ABCA13: variants seen among roughly 807,000 people sequenced by gnomAD.
ABCA13 encodes ATP-binding cassette sub-family A member 13.
In ABCA13, 476 loss-of-function variants were observed where a neutral mutation model predicts 478.7. That is an observed-to-expected ratio of 0.99 (90% CI 0.92 to 1.07). The LOEUF (loss-of-function observed/expected upper bound fraction) is 1.07, where lower values mean the gene tolerates loss of function less well. Among genes scored for constraint, ABCA13 ranks in the 50% least tolerant of loss-of-function variants. The pLI is 0.00. For missense variants in ABCA13, 6,060 were observed against 5,910.6 expected, an observed-to-expected ratio of 1.03 and a Z score of -0.83; for synonymous variants, 2,252 against 2,158.9, an observed-to-expected ratio of 1.04 and a Z score of -1.20.
At chr7:48,289,765 T>G in intron 20 of ABCA13, among the ~76,000 whole-genome samples, 1 of 152,232 alleles carries the variant, frequency 6.6e-6, no homozygotes, top group Non-Finnish European at 1.5e-5. Flanking sequence ...ATAGTTCAAA[T>G]TGTTATATGA....
intron 59 of ABCA13, among the ~76,000 whole-genome samples, chr7:48,630,750 G>A (rs926085993): frequency 3.3e-5 from 5 of 151,618 alleles, no homozygotes; most frequent in African/African-American, 1.2e-4. Flanking sequence ...CACAGTGGCT[G>A]AACTAATTTA....
In ABCA13 at chr7:48,272,294, G is replaced by A. The variant is rs959697141; in HGVS notation, c.2628G>A (p.Leu876=). ...GTACAAGTTTTAACTTTTCCCAGTTGTTCCATTCAGATTGGCCTAAATCAC... is the reference window on the plus strand; with the variant it reads ...GTACAAGTTTTAACTTTTCCCAGTTATTCCATTCAGATTGGCCTAAATCAC... The part of the protein sequence containing the change: ...ILSTSFNFSQ[L]FHSDWPKSPA... Residue 876 remains leucine, a synonymous_variant, in exon 17 of 62, where the codon TTG becomes TTA. Coordinates refer to ENST00000435803, the MANE Select transcript of ABCA13 (RefSeq NM_152701.5). 4 of 1,613,574 alleles carry A rather than the reference G, an allele frequency of 2.5e-6. No homozygotes were observed. The African/African-American group carries it at 5.3e-5, about 22-fold the overall frequency.
chr7:48,438,685 T>A (rs184335782), intron 42 of ABCA13, among the ~76,000 whole-genome samples: 79 of 152,114 alleles, frequency 5.2e-4, no homozygotes, highest in Middle Eastern at 3.4e-3. Context: ...TCTTTACTGA[T>A]TTTTTGTTTA....
chr7:48,363,502 CTT>C (rs1361398016), intron 31 of ABCA13, among the ~76,000 whole-genome samples: 5 of 151,280 alleles, frequency 3.3e-5, no homozygotes, highest in East Asian at 1.9e-4. Context: ...AATGGAGACT[CTT>C]GATGTATTCT....
chr7:48,309,555 G>A (rs1801442317), intron 23 of ABCA13, among the ~76,000 whole-genome samples: 1 of 152,122 alleles, frequency 6.6e-6, no homozygotes, highest in Non-Finnish European at 1.5e-5. Flanking sequence ...AGTGGAAGCT[G>A]ATAAACTGAA....
chr7:48,555,875 C>T (rs962450798), intron 55 of ABCA13, among the ~76,000 whole-genome samples: 2 of 150,178 alleles, frequency 1.3e-5, no homozygotes, highest in African/African-American at 4.9e-5. Context: ...TCTTGCTTTT[C>T]TAGTTCTTTA....
intron 48 of ABCA13, among the ~76,000 whole-genome samples, chr7:48,502,620 A>T (rs989937111): frequency 6.6e-6 from 1 of 152,174 alleles, no homozygotes; most frequent in African/African-American, 2.4e-5. Context: ...AGGGTGTATG[A>T]TATGCTGGCA....
intron 9 of ABCA13, among the ~76,000 whole-genome samples, chr7:48,239,739 T>C (rs1790529166): frequency 6.6e-6 from 1 of 152,256 alleles, no homozygotes; most frequent in African/African-American, 2.4e-5. Context: ...TTTGGACATT[T>C]GCATGCTAGC....
At chr7:48,565,100 C>T (rs576719487) in intron 55 of ABCA13, among the ~76,000 whole-genome samples, 60 of 152,064 alleles carry the variant, frequency 3.9e-4, no homozygotes, top group African/African-American at 1.4e-3. Flanking sequence ...AAACATAAGC[C>T]ACCATTTGTT....
chr7:48,204,312 C>T (rs912821192), intron 3 of ABCA13, among the ~76,000 whole-genome samples: 1 of 151,758 alleles, frequency 6.6e-6, no homozygotes, highest in Non-Finnish European at 1.5e-5. Context: ...CGGGTTCAAG[C>T]GATTCTCCTG....
intron 37 of ABCA13, among the ~76,000 whole-genome samples, chr7:48,390,145 C>T (rs542364575): frequency 6.6e-6 from 1 of 152,206 alleles, no homozygotes; most frequent in South Asian, 2.1e-4. Context: ...TTCCTCTCAC[C>T]CTGCTTTTAC....
chr7:48,408,453 C>T (rs368620325), intron 39 of ABCA13, among the ~76,000 whole-genome samples: 136 of 152,310 alleles, frequency 8.9e-4, no homozygotes, highest in African/African-American at 3.1e-3. Flanking sequence ...GTCTAACATG[C>T]AAGGAGCTTG....
At position 48,256,832 on chromosome 7, in the gene ABCA13, G is replaced by T. The variant is rs1433512354; in HGVS notation, c.2005+7481G>T. ...TTGATTCCATATGAATTTTAAAATA[G>T]TTTTTTCAAATTCTGTAAAGAATGT... On this transcript the variant is annotated intron_variant, in intron 15 of 61. Coordinates refer to ENST00000435803, the MANE Select transcript of ABCA13 (RefSeq NM_152701.5). Among the ~76,000 whole-genome samples the T allele has an allele frequency of 3.9e-5, 6 of 152,096 alleles. No individual in the cohort carries two copies. The South Asian group carries it at 1.2e-3, about 32-fold the overall frequency.
intron 29 of ABCA13, among the ~76,000 whole-genome samples, chr7:48,349,565 T>A (rs538788204): frequency 2.7e-4 from 41 of 152,276 alleles, no homozygotes; most frequent in Non-Finnish European, 4.7e-4. Context: ...CCAACACCCC[T>A]TTCAAACATG....
chr7:48,211,722 A>G (rs1785680912), intron 3 of ABCA13, among the ~76,000 whole-genome samples: 1 of 152,042 alleles, frequency 6.6e-6, no homozygotes, highest in Non-Finnish European at 1.5e-5. Flanking sequence ...AGGGCAGCAG[A>G]TTCTCATCTA....
At chr7:48,611,154 C>T (rs77529957) in intron 58 of ABCA13, among the ~76,000 whole-genome samples, 3,370 of 152,210 alleles carry the variant, frequency 0.022, 125 homozygotes, top group African/African-American at 0.077. Flanking sequence ...ATCATGTCTT[C>T]GCTCATGCAT....
At chr7:48,394,589 C>A (rs1350835234) in intron 38 of ABCA13, among the ~76,000 whole-genome samples, 1 of 152,184 alleles carries the variant, frequency 6.6e-6, no homozygotes, top group Admixed American at 6.5e-5. Flanking sequence ...TTCTTTCCAC[C>A]AGATAGCAAA....
In ABCA13 at chr7:48,645,929, G is replaced by C. The variant is rs1442371321; in HGVS notation, c.*417G>C. 6.0e-6 allele frequency: 1 copy of C among 167,498 alleles called. No homozygotes were observed. The highest frequency in any genetic ancestry group is 1.3e-5 in the Non-Finnish European group (1 of 79,266). 10.4% of individuals were successfully genotyped at this position (167,498 alleles called of 1,614,324 possible). A position where few individuals can be genotyped will look rare whatever the true frequency, so the allele number is the denominator to read the frequency against. On this transcript the variant is annotated 3_prime_UTR_variant, in exon 62 of 62. Coordinates refer to ENST00000435803, the MANE Select transcript of ABCA13 (RefSeq NM_152701.5). ...CCTCCCCACAGGTTAAAAAACTTTA[G>C]TAACTTGTTTGTATAGAAAATAGTA...
intron 59 of ABCA13, among the ~76,000 whole-genome samples, chr7:48,636,239 C>T (rs1794625857): frequency 6.6e-6 from 1 of 152,188 alleles, no homozygotes. Context: ...TTATCAATCA[C>T]TCTAGCACAA....
Sources: gnomAD v4.1 joint callset for allele counts (sites outside exome capture counted in the v4.1 genomes callset) on GRCh38, gnomAD v4.1.1 for gene constraint, MANE v1.5 for transcripts, NCBI Gene and HGNC (gene_info 2026-07-23, HGNC 2026-07-21) for gene names.